The following PPIP5K2 variants were observed in gnomAD, a reference collection of about 807,000 sequenced individuals.
The protein encoded by PPIP5K2 is inositol hexakisphosphate and diphosphoinositol-pentakisphosphate kinase 2.
Under a neutral mutation model 154.6 loss-of-function variants are expected in PPIP5K2, and 105 were observed. The observed-to-expected ratio is 0.68, with a 90% CI of 0.58 to 0.80. The LOEUF (loss-of-function observed/expected upper bound fraction) is 0.80, where lower values mean the gene tolerates loss of function less well. PPIP5K2 is among the 30% of genes least tolerant of loss of function. The pLI is 0.00. For missense variants in PPIP5K2, 992 were observed against 1,504.6 expected (o/e 0.66, Z 5.64); for synonymous variants, 480 against 490.3 (o/e 0.98, Z 0.28).
intron 25 of PPIP5K2, 71 bp from the exon 26 acceptor site, chr5:103,184,601 C>T: frequency 8.9e-7 from 1 of 1,127,884 alleles, no homozygotes; most frequent in East Asian, 2.5e-5. Flanking sequence ...CTGGAACAGG[C>T]TGCATATGAA....
chr5:103,136,807 A>G lies in PPIP5K2; in HGVS notation c.386A>G (p.Tyr129Cys). Reference sequence around the variant, plus strand: ...GTAATCAATGACTTGAATATGCAGTATCTCATACAAGATAGGTGAGTGGTG... The same window carrying G: ...GTAATCAATGACTTGAATATGCAGTGTCTCATACAAGATAGGTGAGTGGTG... ...PFVINDLNMQ[Y>C]LIQDRREVYS... The change falls in exon 4 of 31, where the codon TAT becomes TGT. Residue 129 changes from tyrosine (Y) to cysteine (C), a missense_variant. Physicochemically the swap from Tyr to Cys is radical, Grantham distance 194. This residue lies in a region of PPIP5K2 where 153 missense variants were observed against 200.4 expected (regional missense o/e 0.76). Transcript: ENST00000358359. 1 of 1,613,006 alleles carries G rather than the reference A, an allele frequency of 6.2e-7. No individual in the cohort carries two copies. Among genetic ancestry groups the G allele is most frequent in the Non-Finnish European group, 8.5e-7 (1 of 1,179,054 alleles).
chr5:103,169,379 GA>G (rs1406153286), intron 19 of PPIP5K2, among the ~76,000 whole-genome samples: 49 of 146,356 alleles, frequency 3.3e-4, no homozygotes, highest in Non-Finnish European at 5.2e-4. Flanking sequence ...TAAAGATTAT[GA>G]AAAAAAAGTT....
chr5:103,153,717 T>C, intron 10 of PPIP5K2, 131 bp from the exon 11 acceptor site: 1 of 571,798 alleles, frequency 1.7e-6, no homozygotes, highest in Non-Finnish European at 3.0e-6. Context: ...ATAAGTATTA[T>C]TCTTCATGGG....
chr5:103,201,176 A>T (rs1398741196), intron 30 of PPIP5K2, among the ~76,000 whole-genome samples: 1 of 152,220 alleles, frequency 6.6e-6, no homozygotes, highest in Admixed American at 6.6e-5. Flanking sequence ...AGTTGTATAT[A>T]CATATCTTGA....
chr5:103,181,390 A>T (rs1214538753), intron 24 of PPIP5K2, among the ~76,000 whole-genome samples: 16 of 152,052 alleles, frequency 1.1e-4, no homozygotes, highest in Non-Finnish European at 1.5e-5. Context: ...CAATATGGTG[A>T]AACCCCGTCT....
chr5:103,207,102 G>A lies in PPIP5K2; in HGVS notation c.*5468G>A, dbSNP rs782617340. 6.6e-6 allele frequency: 1 copy of A among 152,280 alleles called. No individual in the cohort carries two copies. Among genetic ancestry groups the A allele is most frequent in the African/African-American group, 2.4e-5 (1 of 41,454 alleles). 9.4% of individuals were successfully genotyped at this position (152,280 alleles called of 1,614,324 possible). On this transcript the variant is annotated 3_prime_UTR_variant, in exon 31 of 31. Coordinates refer to ENST00000358359, the MANE Select transcript of PPIP5K2 (RefSeq NM_001276277.3). ...ACATGGCCAGCCCAGGGGGTCCTGA[G>A]CACCAGATACAACTCCCTCCAGAGA...
intron 7 of PPIP5K2, 24 bp from the exon 8 acceptor site, chr5:103,149,128 A>T (rs903571097): frequency 6.4e-7 from 1 of 1,558,780 alleles, no homozygotes; most frequent in Admixed American, 1.8e-5. Context: ...ATATATTTAT[A>T]CATTTATTAA....
rs782590095 is a variant in PPIP5K2, at chr5:103,167,190, T to G, written c.1932T>G (p.Ser644=). 9 of 1,563,382 alleles carry G rather than the reference T, an allele frequency of 5.8e-6. No individual in the cohort carries two copies. The African/African-American group carries it at 1.2e-4, about 22-fold the overall frequency. ...TTACTCATTTGTAGCTTACTCCATC[T>G]GGAAGCATTTCTCTTATCAAATCAA... ...TAEDYEKLTP[S]GSISLIKSMH... Residue 644 remains serine (S), a synonymous_variant, in exon 18 of 31, where the codon TCT becomes TCG. Coordinates refer to ENST00000358359, the MANE Select transcript of PPIP5K2 (RefSeq NM_001276277.3).
intron 8 of PPIP5K2, among the ~76,000 whole-genome samples, chr5:103,149,605 G>T (rs114458267): frequency 9.5e-4 from 145 of 151,940 alleles, no homozygotes; most frequent in African/African-American, 3.4e-3. Flanking sequence ...TTTGAAACTG[G>T]CTTTAAGTGT....
At chr5:103,187,913 G>T (rs1800652695) in intron 28 of PPIP5K2, among the ~76,000 whole-genome samples, 1 of 152,104 alleles carries the variant, frequency 6.6e-6, no homozygotes, top group African/African-American at 2.4e-5. Context: ...GCAAAACCCT[G>T]TTCGGTCTGG....
intron 1 of PPIP5K2, among the ~76,000 whole-genome samples, chr5:103,128,451 A>G (rs1367676793): frequency 6.6e-6 from 1 of 151,802 alleles, no homozygotes; most frequent in Non-Finnish European, 1.5e-5. Context: ...CTGTTATTCA[A>G]GCTGGAGTGT....
chr5:103,193,353 A>G (rs1172894101), intron 29 of PPIP5K2, among the ~76,000 whole-genome samples: 6 of 152,054 alleles, frequency 3.9e-5, no homozygotes, highest in Non-Finnish European at 7.4e-5. Flanking sequence ...CTGTAGTATC[A>G]TATACATACA....
At chr5:103,125,874 C>G (rs752046180) in intron 1 of PPIP5K2, among the ~76,000 whole-genome samples, 2 of 152,184 alleles carry the variant, frequency 1.3e-5, no homozygotes, top group Non-Finnish European at 2.9e-5. Flanking sequence ...CTCAAGTGAT[C>G]CGCCTGCCTC....
intron 1 of PPIP5K2, among the ~76,000 whole-genome samples, chr5:103,122,541 G>A (rs541865617): frequency 1.3e-5 from 2 of 152,196 alleles, no homozygotes; most frequent in South Asian, 2.1e-4. Flanking sequence ...CTTTTTTTGT[G>A]TAATCTTATA....
At chr5:103,123,561 T>G (rs1789137329) in intron 1 of PPIP5K2, among the ~76,000 whole-genome samples, 1 of 152,218 alleles carries the variant, frequency 6.6e-6, no homozygotes, top group Non-Finnish European at 1.5e-5. Context: ...GATTTAGAAA[T>G]CAGGTTTAAG....
chr5:103,153,082 C>T (rs553246378), intron 10 of PPIP5K2, among the ~76,000 whole-genome samples: 3 of 151,904 alleles, frequency 2.0e-5, no homozygotes, highest in African/African-American at 7.2e-5. Flanking sequence ...ACCAGTATTG[C>T]CAAAATGTTT....
chr5:103,152,259 G>T (rs1470378679), intron 9 of PPIP5K2, among the ~76,000 whole-genome samples: 2 of 151,866 alleles, frequency 1.3e-5, no homozygotes, highest in Non-Finnish European at 2.9e-5. Flanking sequence ...TTGTTAAGAT[G>T]AACACAATAT....
intron 1 of PPIP5K2, among the ~76,000 whole-genome samples, chr5:103,127,780 C>T (rs1203358135): frequency 6.6e-6 from 1 of 152,162 alleles, no homozygotes; most frequent in Non-Finnish European, 1.5e-5. Flanking sequence ...GACTCCAGAA[C>T]ATTCCCCTTC....
chr5:103,157,878 T>C (rs566839035), intron 14 of PPIP5K2, among the ~76,000 whole-genome samples: 1 of 152,118 alleles, frequency 6.6e-6, no homozygotes, highest in East Asian at 1.9e-4. Flanking sequence ...AATGAAAAAA[T>C]TACTATGAGA....
Sources: gnomAD v4.1 joint callset for allele counts (sites outside exome capture counted in the v4.1 genomes callset) on GRCh38, gnomAD v4.1.1 for gene constraint, gnomAD v4.1.1 regional missense constraint, MANE v1.5 for transcripts, NCBI Gene and HGNC (gene_info 2026-07-23, HGNC 2026-07-21) for gene names.